SLC22A8: variants seen among roughly 807,000 people sequenced by gnomAD.
SLC22A8 encodes the protein organic anion transporter 3.
A neutral mutation model predicts 48.4 loss-of-function variants in SLC22A8; 40 were observed. That is an observed-to-expected ratio of 0.83 (90% CI 0.64 to 1.08). The LOEUF is 1.08. SLC22A8 is among the 50% of genes least tolerant of loss of function. The probability of loss-of-function intolerance (pLI) is 0.00; values close to 1 mark genes in which losing one functional copy is unlikely to be tolerated. For synonymous variants in SLC22A8, 268 were observed against 286.3 expected (o/e 0.94, Z 0.65); for missense variants, 606 against 699.0 (o/e 0.87, Z 1.50).
rs149235191 is a variant in SLC22A8, at chr11:62,993,008, G to A, written c.*229C>T. On this transcript the variant is annotated 3_prime_UTR_variant, in exon 11 of 11. Coordinates refer to ENST00000336232, the MANE Select transcript of SLC22A8 (RefSeq NM_004254.4). ...GTGGCCAGTGGGGAAGGGCTAGACA[G>A]AAGAATGGCAGGGCCTGGGTTGCAG... The A allele has an allele frequency of 8.7e-5, 50 of 574,166 alleles. No homozygotes were observed. The East Asian group carries it at 1.3e-3, about 15-fold the overall frequency. The allele number at this position is 574,166 out of a possible 1,614,324, so 35.6% of individuals were successfully genotyped here.
At chr11:63,001,908 TTTAA>T (rs1057253618) in intron 2 of SLC22A8, among the ~76,000 whole-genome samples, 21 of 152,248 alleles carry the variant, frequency 1.4e-4, no homozygotes, top group African/African-American at 4.8e-4. Context: ...ACCTTCTCTT[TTTAA>T]TTAATTAATT....
intron 2 of SLC22A8, among the ~76,000 whole-genome samples, chr11:63,010,528 A>T (rs1166183318): frequency 6.6e-6 from 1 of 152,160 alleles, no homozygotes; most frequent in Non-Finnish European, 1.5e-5. Flanking sequence ...TTATGGCTGA[A>T]CCACAAACAG....
At position 63,014,851 on chromosome 11, in the gene SLC22A8, C is replaced by T. The variant is rs755047647; in HGVS notation, c.108G>A (p.Leu36=). ...GGGTGGCGGCTGTGAAGATCTGCAG[C>T]AGGTTGTGGTTGGCCATGTTGAGGA... ...LPILNMANHN[L]LQIFTAATPV... Residue 36 remains leucine (L), a synonymous_variant, in exon 2 of 11, where the codon CTG becomes CTA. Transcript: ENST00000336232. 6.2e-7 allele frequency: 1 copy of T among 1,612,080 alleles called. No individual in the cohort carries two copies. Among genetic ancestry groups the T allele is most frequent in the East Asian group, 2.2e-5 (1 of 44,814 alleles).
intron 5 of SLC22A8, among the ~76,000 whole-genome samples, chr11:62,997,336 T>C (rs1416737226): frequency 1.3e-5 from 2 of 152,210 alleles, no homozygotes; most frequent in Admixed American, 6.5e-5. Flanking sequence ...GTGATTTTCC[T>C]GCCTCAGCCT....
In SLC22A8 at chr11:62,993,124, C is replaced by T. The variant is rs1590685736; in HGVS notation, c.*113G>A. The T allele has an allele frequency of 4.0e-6, 3 of 744,586 alleles. No homozygotes were observed. The highest frequency in any genetic ancestry group is 2.8e-5 in the Admixed American group (1 of 35,172). 46.1% of individuals were successfully genotyped at this position (744,586 alleles called of 1,614,324 possible). A position where few individuals can be genotyped will look rare whatever the true frequency, so the allele number is the denominator to read the frequency against. On this transcript the variant is annotated 3_prime_UTR_variant, in exon 11 of 11. Transcript: ENST00000336232. Reference sequence around the variant, plus strand: ...TGGTGATGGAGACACCTTCACCAAGCTCTCAGAAGGCTTCATCCTAGGAGG... The same window carrying T: ...TGGTGATGGAGACACCTTCACCAAGTTCTCAGAAGGCTTCATCCTAGGAGG...
At chr11:62,994,431 G>C in intron 8 of SLC22A8, 111 bp downstream of exon 8, 1 of 759,546 alleles carries the variant, frequency 1.3e-6, no homozygotes, top group South Asian at 1.6e-5. Context: ...GAGAGTGCAG[G>C]GACCTGCTCA....
Position 63,014,821 on chromosome 11 carries a change from G to A in SLC22A8, c.138C>T (p.Val46=). The change falls in exon 2 of 11, where the codon GTC becomes GTT. Residue 46 remains valine, a synonymous_variant. Coordinates refer to ENST00000336232, the MANE Select transcript of SLC22A8 (RefSeq NM_004254.4). ...CATTGTGGGGCGGGCGACAGTGGTG[G>A]ACAGGGGTGGCGGCTGTGAAGATCT... ...LLQIFTAATP[V]HHCRPPHNAS... is the part of the protein sequence containing the mutation. 1 of 1,612,816 alleles carries A rather than the reference G, an allele frequency of 6.2e-7. No individual in the cohort carries two copies. Among genetic ancestry groups the A allele is most frequent in the African/African-American group, 1.3e-5 (1 of 75,034 alleles).
At chr11:62,996,402 T>C (rs2086421190) in intron 5 of SLC22A8, among the ~76,000 whole-genome samples, 1 of 152,160 alleles carries the variant, frequency 6.6e-6, no homozygotes. Flanking sequence ...GGGCCACTTG[T>C]TATTGTTGGG....
At chr11:63,007,338 C>G (rs1409627779) in intron 2 of SLC22A8, among the ~76,000 whole-genome samples, 1 of 151,732 alleles carries the variant, frequency 6.6e-6, no homozygotes. Flanking sequence ...TATTCTAGTT[C>G]AGTGTTCCTT....
intron 7 of SLC22A8, 95 bp downstream of exon 7, chr11:62,995,609 T>G: frequency 1.2e-6 from 1 of 844,702 alleles, no homozygotes; most frequent in Non-Finnish European, 2.0e-6. Context: ...GACTTCTCTT[T>G]CAGATGCCCT....
At chr11:63,002,524 C>T (rs2086507817) in intron 2 of SLC22A8, among the ~76,000 whole-genome samples, 1 of 152,106 alleles carries the variant, frequency 6.6e-6, no homozygotes, top group Non-Finnish European at 1.5e-5. Context: ...ACTCCCCATT[C>T]CTTTCCCCAG....
chr11:63,015,299 G>A (rs1243769762), intron 1 of SLC22A8, among the ~76,000 whole-genome samples: 1 of 152,218 alleles, frequency 6.6e-6, no homozygotes, highest in Admixed American at 6.5e-5. Flanking sequence ...AGCTGCGTGA[G>A]CTCGGGTATG....
chr11:63,005,955 G>A (rs1379574528), intron 2 of SLC22A8, among the ~76,000 whole-genome samples: 1 of 152,190 alleles, frequency 6.6e-6, no homozygotes, highest in Non-Finnish European at 1.5e-5. Flanking sequence ...CTTTATAAGG[G>A]GTGATTGGAA....
At chr11:63,007,394 C>T (rs1055728159) in intron 2 of SLC22A8, among the ~76,000 whole-genome samples, 5 of 152,088 alleles carry the variant, frequency 3.3e-5, no homozygotes, top group Admixed American at 2.6e-4. Flanking sequence ...GGTGCGATCT[C>T]GGCTCACTGC....
intron 2 of SLC22A8, among the ~76,000 whole-genome samples, chr11:63,006,134 G>T (rs530177902): frequency 6.6e-6 from 1 of 151,916 alleles, no homozygotes; most frequent in Admixed American, 6.6e-5. Flanking sequence ...GAAAACTTAG[G>T]CTAGATGTCT....
rs1205986444 is a variant in SLC22A8 at position 63,000,839 on chromosome 11, G to C, written c.334-16C>G. 6.3e-7 allele frequency: 1 copy of C among 1,597,410 alleles called. No individual in the cohort carries two copies. Among genetic ancestry groups the C allele is most frequent in the Admixed American group, 1.7e-5 (1 of 59,978 alleles). ...CCAAGTCCCACTGCACAAGAGAAAG[G>C]TAGGGCTAGCCTAACTCAGTGTAGA... On this transcript the variant is annotated splice_polypyrimidine_tract_variant and intron_variant, in intron 2 of 10. Coordinates refer to ENST00000336232, the MANE Select transcript of SLC22A8 (RefSeq NM_004254.4).
intron 2 of SLC22A8, among the ~76,000 whole-genome samples, chr11:63,002,415 C>T (rs1475767837): frequency 2.6e-5 from 4 of 152,216 alleles, no homozygotes; most frequent in Non-Finnish European, 5.9e-5. Context: ...GTGAAATAAA[C>T]AATACATCAT....
At chr11:63,009,536 G>A (rs1253809541) in intron 2 of SLC22A8, among the ~76,000 whole-genome samples, 1 of 152,178 alleles carries the variant, frequency 6.6e-6, no homozygotes, top group Non-Finnish European at 1.5e-5. Context: ...GGGGACTATG[G>A]GGTACGTGCC....
chr11:63,006,119 T>A (rs1241393380), intron 2 of SLC22A8, among the ~76,000 whole-genome samples: 1 of 147,210 alleles, frequency 6.8e-6, no homozygotes, highest in African/African-American at 2.4e-5. Flanking sequence ...AGAAGGCCCT[T>A]TTAAGAAAAC....
Sources: allele counts gnomAD v4.1 joint callset (sites outside exome capture counted in the v4.1 genomes callset), GRCh38; gene constraint gnomAD v4.1.1; transcripts MANE v1.5; gene names NCBI Gene and HGNC (gene_info 2026-07-23, HGNC 2026-07-21).